Variants in TBC1D19 observed in about 807,000 individuals in gnomAD.
The protein encoded by TBC1D19 is TBC1 domain family member 19, also known as TBC1 domain family, member 19.
Under a neutral mutation model 89.0 loss-of-function variants are expected in TBC1D19, and 60 were observed. The ratio of observed to expected loss-of-function variants is 0.67; its 90% confidence interval spans 0.55 to 0.84. The LOEUF (loss-of-function observed/expected upper bound fraction) is 0.84. TBC1D19 is among the 40% of genes least tolerant of loss of function. The pLI is 0.00. For missense variants in TBC1D19, 500 were observed against 610.8 expected (o/e 0.82, Z 1.91); for synonymous variants, 189 against 199.7 (o/e 0.95, Z 0.45).
At chr4:26,629,969 T>C (rs1251909183) in intron 4 of TBC1D19, among the ~76,000 whole-genome samples, 1 of 151,754 alleles carries the variant, frequency 6.6e-6, no homozygotes. Flanking sequence ...TACTAAAATG[T>C]TTTTCTGTTA....
rs183996129 is a variant in TBC1D19 at position 26,645,338 on chromosome 4, A to G, written c.480+5151A>G. Among the ~76,000 whole-genome samples, 4 of 152,340 alleles carry G rather than the reference A, an allele frequency of 2.6e-5. No individual in the cohort carries two copies. The East Asian group carries it at 7.7e-4, about 29-fold the overall frequency. On this transcript the variant is annotated intron_variant, in intron 7 of 20. Transcript: ENST00000264866. The stretch of plus-strand genomic sequence containing the variant: ...ACCAATGGAACAGAACAGCAGCCTC[A>G]GAGATAACACCACACATCTACAGCC...
intron 1 of TBC1D19, among the ~76,000 whole-genome samples, chr4:26,608,085 T>C (rs1044080040): frequency 3.9e-5 from 6 of 152,200 alleles, no homozygotes; most frequent in Non-Finnish European, 2.9e-5. Flanking sequence ...ATTTTAGCAG[T>C]ATTGGAAGCT....
the TBC1D19 span, among the ~76,000 whole-genome samples, chr4:26,772,443 G>C: frequency 3.2e-4 from 48 of 150,658 alleles, no homozygotes; most frequent in African/African-American, 1.1e-3. Flanking sequence ...TTTTTTCTGG[G>C]TGGGGGGGAG....
chr4:26,858,352 G>C, the TBC1D19 span: 4 of 152,326 alleles, frequency 2.6e-5, no homozygotes, highest in South Asian at 8.3e-4. Context: ...AGTCGGGTAA[G>C]TGCCAAGGAA....
At chr4:26,793,929 G>T in the TBC1D19 span, among the ~76,000 whole-genome samples, 2 of 152,134 alleles carry the variant, frequency 1.3e-5, no homozygotes, top group African/African-American at 2.4e-5. Context: ...GCTGGGAAGA[G>T]ATTTGATTGG....
At chr4:26,747,588 A>G (rs1282783006) in intron 18 of TBC1D19, among the ~76,000 whole-genome samples, 1 of 152,212 alleles carries the variant, frequency 6.6e-6, no homozygotes, top group Non-Finnish European at 1.5e-5. Context: ...ACAAAATATG[A>G]TAATTCCAGC....
At chr4:26,781,329 C>T in the TBC1D19 span, among the ~76,000 whole-genome samples, 1 of 152,176 alleles carries the variant, frequency 6.6e-6, no homozygotes, top group South Asian at 2.1e-4. Context: ...GTGAGGCTCT[C>T]AAGTCAGGTT....
chr4:26,719,882 G>A (rs1352926092), intron 14 of TBC1D19, among the ~76,000 whole-genome samples, 199 bp from the exon 15 acceptor site: 1 of 152,050 alleles, frequency 6.6e-6, no homozygotes, highest in African/African-American at 2.4e-5. Context: ...TTATGTTCGT[G>A]TTACTTTAAT....
At chr4:26,773,077 C>T in the TBC1D19 span, among the ~76,000 whole-genome samples, 2 of 152,168 alleles carry the variant, frequency 1.3e-5, no homozygotes, top group African/African-American at 4.8e-5. Context: ...TTTACACTGC[C>T]ATCAACAGTG....
intron 1 of TBC1D19, among the ~76,000 whole-genome samples, chr4:26,596,452 ACT>A (rs1408451955): frequency 8.4e-5 from 11 of 130,302 alleles, no homozygotes; most frequent in Admixed American, 6.8e-4. Context: ...GATAATGGTA[ACT>A]CGTGTGTGTG....
chr4:26,622,899 A>G (rs1365132715), intron 4 of TBC1D19, among the ~76,000 whole-genome samples: 1 of 152,060 alleles, frequency 6.6e-6, no homozygotes, highest in Admixed American at 6.6e-5. Flanking sequence ...AATAGCAGGG[A>G]TTGTGCTTTT....
At chr4:26,782,923 C>A in the TBC1D19 span, among the ~76,000 whole-genome samples, 1 of 151,964 alleles carries the variant, frequency 6.6e-6, no homozygotes, top group Non-Finnish European at 1.5e-5. Flanking sequence ...ACATGACTCT[C>A]AATTTACTGC....
At chr4:26,805,212 G>C in the TBC1D19 span, among the ~76,000 whole-genome samples, 1 of 152,216 alleles carries the variant, frequency 6.6e-6, no homozygotes, top group Non-Finnish European at 1.5e-5. Flanking sequence ...CTTAGTAAAA[G>C]TAAGCTGTTG....
At chr4:26,623,374 T>C (rs550673991) in intron 4 of TBC1D19, among the ~76,000 whole-genome samples, 1 of 152,344 alleles carries the variant, frequency 6.6e-6, no homozygotes, top group Non-Finnish European at 1.5e-5. Flanking sequence ...ATATTATATT[T>C]GTTATTCATT....
At chr4:26,849,513 G>A in the TBC1D19 span, among the ~76,000 whole-genome samples, 1 of 152,118 alleles carries the variant, frequency 6.6e-6, no homozygotes, top group Non-Finnish European at 1.5e-5. Context: ...CTGTGGTTAT[G>A]TAGCATTCTA....
the TBC1D19 span, among the ~76,000 whole-genome samples, chr4:26,830,699 G>A: frequency 6.6e-6 from 1 of 152,172 alleles, no homozygotes; most frequent in Admixed American, 6.5e-5. Flanking sequence ...ACTCTTTAAG[G>A]CTTCGTGTTT....
At chr4:26,781,831 A>C in the TBC1D19 span, among the ~76,000 whole-genome samples, 4 of 151,352 alleles carry the variant, frequency 2.6e-5, no homozygotes, top group African/African-American at 9.7e-5. Flanking sequence ...ATTCAGGATT[A>C]GGCAAATGTT....
At chr4:26,764,761 A>G in the TBC1D19 span, among the ~76,000 whole-genome samples, 3 of 152,188 alleles carry the variant, frequency 2.0e-5, no homozygotes, top group African/African-American at 7.2e-5. Context: ...GGTGATGGAT[A>G]TGGATAAAGA....
At chr4:26,772,420 G>T in the TBC1D19 span, among the ~76,000 whole-genome samples, 1 of 151,810 alleles carries the variant, frequency 6.6e-6, no homozygotes, top group South Asian at 2.1e-4. Context: ...ACCTCCATTT[G>T]GAGTCCTCTT....
Sources: gnomAD v4.1 joint callset for allele counts (sites outside exome capture counted in the v4.1 genomes callset) on GRCh38, gnomAD v4.1.1 for gene constraint, MANE v1.5 for transcripts, NCBI Gene and HGNC (gene_info 2026-07-23, HGNC 2026-07-21) for gene names.